The following SKOR2 variants were observed in gnomAD, a reference collection of about 807,000 sequenced individuals.
SKOR2 encodes LBX1 corepressor 1-like protein.
SKOR2 carries 47 observed loss-of-function variants against 69.1 expected under a neutral mutation model. The ratio of observed to expected loss-of-function variants is 0.68; its 90% confidence interval spans 0.54 to 0.87. The LOEUF (loss-of-function observed/expected upper bound fraction) is 0.87. SKOR2 is among the 40% of genes least tolerant of loss of function. The probability of loss-of-function intolerance (pLI) is 0.00; values close to 1 mark genes in which losing one functional copy is unlikely to be tolerated. For synonymous variants in SKOR2, 717 were observed against 672.6 expected (o/e 1.07, Z -1.02); for missense variants, 1,404 against 1,472.2 (o/e 0.95, Z 0.76).
chr18:47,233,966 C>A (rs1600037959), intron 4 of SKOR2, among the ~76,000 whole-genome samples: 1 of 152,260 alleles, frequency 6.6e-6, no homozygotes, highest in East Asian at 1.9e-4. Flanking sequence ...TAACAATTTG[C>A]ATTGGCATCT....
At position 47,245,077 on chromosome 18, in the gene SKOR2, CT is replaced by C. The variant is rs1206649107; in HGVS notation, c.2678-96del. 5 of 927,058 alleles carry C rather than the reference CT, an allele frequency of 5.4e-6. No individual in the cohort carries two copies. The East Asian group carries it at 8.0e-5, about 15-fold the overall frequency. 57.4% of individuals were successfully genotyped at this position (927,058 alleles called of 1,614,324 possible). ...TTTTTTTTTTGCAGGGAGGATGCTACTTATTATATCTAAGTTTGAGAGCTAT... is the reference window on the plus strand; with the variant it reads ...TTTTTTTTTTGCAGGGAGGATGCTACTATTATATCTAAGTTTGAGAGCTAT... On this transcript the variant is annotated intron_variant, in intron 3 of 8. Coordinates refer to ENST00000425639, the MANE Select transcript of SKOR2 (RefSeq NM_001278063.4).
chr18:47,250,777 C>G (rs1436458164), intron 1 of SKOR2, among the ~76,000 whole-genome samples: 3 of 152,154 alleles, frequency 2.0e-5, no homozygotes, highest in Non-Finnish European at 2.9e-5. Context: ...TTGGGTGGAT[C>G]AGAGACAATA....
intron 2 of SKOR2, among the ~76,000 whole-genome samples, chr18:47,246,109 C>T (rs1420662391): frequency 6.6e-6 from 1 of 152,172 alleles, no homozygotes; most frequent in Non-Finnish European, 1.5e-5. Context: ...CTGCATTTAA[C>T]TTTTGAAGCC....
At chr18:47,209,810 C>T (rs916374657) in intron 8 of SKOR2, among the ~76,000 whole-genome samples, 2 of 152,052 alleles carry the variant, frequency 1.3e-5, no homozygotes, top group African/African-American at 2.4e-5. Flanking sequence ...TAAATCAAAC[C>T]ACATTCTAAG....
Position 47,247,674 on chromosome 18 carries a change from C to T in SKOR2, c.1510G>A (p.Ala504Thr), listed in dbSNP as rs1413955405. The T allele has an allele frequency of 2.9e-5, 40 of 1,369,514 alleles. No homozygotes were observed. The highest frequency in any genetic ancestry group is 4.6e-5 in the African/African-American group (3 of 65,640). The allele number at this position is 1,369,514 out of a possible 1,614,324, so 84.8% of individuals were successfully genotyped here. The change falls in exon 2 of 9, where the codon GCC (alanine) becomes ACC (threonine). Residue 504 changes from alanine (A) to threonine (T), a missense_variant. Ala to Thr is a moderately conservative substitution (Grantham distance 58). Coordinates refer to ENST00000425639, the MANE Select transcript of SKOR2 (RefSeq NM_001278063.4). This position sits in a 1 kb window ranked among gnomAD's most constrained non-coding sequence, Gnocchi z 6.6. The stretch of plus-strand genomic sequence containing the variant: ...TCCAGGAAGGCCTGGCGCAGCAGGG[C>T]CGGGCTTTCGCCTAGCGCGCAGCCT... ...ALGCALGESP[A>T]LLRQAFLDLA...
At chr18:47,224,808 C>A (rs2064173201) in intron 6 of SKOR2, among the ~76,000 whole-genome samples, 1 of 151,898 alleles carries the variant, frequency 6.6e-6, no homozygotes, top group African/African-American at 2.4e-5. Context: ...TGTGTAGAGA[C>A]AGGGTCCCAG....
intron 6 of SKOR2, among the ~76,000 whole-genome samples, chr18:47,224,615 T>A (rs1366592153): frequency 9.2e-6 from 1 of 108,360 alleles, no homozygotes; most frequent in Non-Finnish European, 1.8e-5. Flanking sequence ...TAAAGAACCA[T>A]TGAACTTTTT....
In SKOR2 at chr18:47,226,522, C is replaced by G. The variant is rs11872506; in HGVS notation, c.2917+3937G>C. ...ACTCAATTCCAGCTTCTCCTTTTTC[C>G]TTAGTATATCCTCCCTACCTCTCTG... On this transcript the variant is annotated intron_variant, in intron 6 of 8. Transcript: ENST00000425639. Among the ~76,000 whole-genome samples the G allele has an allele frequency of 9.3e-3, 1,413 of 152,224 alleles. 15 individuals carry two copies. The highest frequency in any genetic ancestry group is 0.032 in the African/African-American group (1,340 of 41,544).
rs1054617147 is a variant in SKOR2 at position 47,248,361 on chromosome 18, C to T, written c.823G>A (p.Gly275Ser). Reference protein sequence around the residue: ...AAAAAVAGGGGLLGPHLLGAP... With the variant: ...AAAAAVAGGGSLLGPHLLGAP... ...CCCAGCAGGTGGGGGCCCAGCAGAC[C>T]CCCGCCTCCGGCCACCGCGGCCGCG... is the stretch of plus-strand genomic sequence containing the variant. The change falls in exon 2 of 9, where the codon GGT becomes AGT. Residue 275 changes from glycine (G) to serine (S), a missense_variant. Physicochemically the swap from Gly to Ser is moderately conservative, Grantham distance 56. This residue lies in a region of SKOR2 where 1,266 missense variants were observed against 1,309.9 expected (regional missense o/e 0.97). Coordinates refer to ENST00000425639, the MANE Select transcript of SKOR2 (RefSeq NM_001278063.4). The surrounding 1 kb of genome is among the most constrained non-coding windows in gnomAD (Gnocchi z 6.4). The T allele has an allele frequency of 4.7e-6, 6 of 1,279,840 alleles. No homozygotes were observed. Among genetic ancestry groups the T allele is most frequent in the Non-Finnish European group, 4.9e-6 (5 of 1,022,328 alleles). 79.3% of individuals were successfully genotyped at this position (1,279,840 alleles called of 1,614,324 possible).
At position 47,246,908 on chromosome 18, in the gene SKOR2, T is replaced by C; in HGVS notation, c.2276A>G (p.Glu759Gly). Residue 759 changes from glutamate to glycine, a missense_variant, in exon 2 of 9, where the codon GAA (glutamate) becomes GGA (glycine). By Grantham distance (98) the Glu-to-Gly change is moderately conservative. This residue lies in a region of SKOR2 where 1,266 missense variants were observed against 1,309.9 expected (regional missense o/e 0.97). Transcript: ENST00000425639. ...CTCGTCGTCGTCAGGGTCTCGACCTTCCTCCTCTTCCTCGCCCTCGGGGGG... is the reference window on the plus strand; with the variant it reads ...CTCGTCGTCGTCAGGGTCTCGACCTCCCTCCTCTTCCTCGCCCTCGGGGGG... ...HKPPEGEEEEEGRDPDDDEEE... is the reference protein window; with the variant it reads ...HKPPEGEEEEGGRDPDDDEEE... The C allele has an allele frequency of 6.7e-7, 1 of 1,490,156 alleles. No individual in the cohort carries two copies. Among genetic ancestry groups the C allele is most frequent in the Non-Finnish European group, 8.9e-7 (1 of 1,126,570 alleles). The allele number at this position is 1,490,156 out of a possible 1,614,324, so 92.3% of individuals were successfully genotyped here.
At position 47,223,675 on chromosome 18, in the gene SKOR2, A is replaced by G. The variant is rs1244714714; in HGVS notation, c.2918-3665T>C. Among the ~76,000 whole-genome samples the G allele has an allele frequency of 3.3e-5, 5 of 152,324 alleles. No homozygotes were observed. The East Asian group carries it at 9.6e-4, about 29-fold the overall frequency. On this transcript the variant is annotated intron_variant, in intron 6 of 8. Coordinates refer to ENST00000425639, the MANE Select transcript of SKOR2 (RefSeq NM_001278063.4). ...AAGGAAGTAAAAAATGTTGTGTATTACATTTCATTTTGTTTTATAAAAGCA... is the reference window on the plus strand; with the variant it reads ...AAGGAAGTAAAAAATGTTGTGTATTGCATTTCATTTTGTTTTATAAAAGCA...
At chr18:47,218,589 C>CAAAAAAAAAAAAAAAAAAAAAAAAAAAA in intron 7 of SKOR2, among the ~76,000 whole-genome samples, 1 of 88,258 alleles carries the variant, frequency 1.1e-5, no homozygotes, top group Non-Finnish European at 2.1e-5. Flanking sequence ...GACCCTGTCT[C>CAAAAAAAAAAAAAAAAAAAAAAAAAAAA]AAAAAAAAAA....
intron 6 of SKOR2, among the ~76,000 whole-genome samples, chr18:47,226,535 C>T (rs1301877427): frequency 6.6e-6 from 1 of 152,154 alleles, no homozygotes; most frequent in Non-Finnish European, 1.5e-5. Context: ...AGTATATCCT[C>T]CCTACCTCTC....
At chr18:47,235,476 C>T (rs1019178267) in intron 4 of SKOR2, among the ~76,000 whole-genome samples, 4 of 152,178 alleles carry the variant, frequency 2.6e-5, no homozygotes, top group African/African-American at 7.2e-5. Flanking sequence ...GAGAATCCTG[C>T]TCATCCAGGA....
intron 7 of SKOR2, among the ~76,000 whole-genome samples, chr18:47,216,804 GA>G (rs1045998425): frequency 2.7e-5 from 4 of 149,612 alleles, no homozygotes; most frequent in African/African-American, 4.9e-5. Context: ...GTCATCTCAA[GA>G]AAAAAAAAGC....
chr18:47,227,406 C>G (rs1191022803), intron 6 of SKOR2, among the ~76,000 whole-genome samples: 7 of 135,810 alleles, frequency 5.2e-5, no homozygotes, highest in Non-Finnish European at 3.0e-5. Flanking sequence ...GGCGTGATCT[C>G]GGCTCACTGC....
intron 4 of SKOR2, among the ~76,000 whole-genome samples, chr18:47,243,163 T>A (rs17785603): frequency 0.37 from 56,512 of 152,070 alleles, 11,133 homozygotes; most frequent in Middle Eastern, 0.47. Context: ...CTCTAAGTGC[T>A]CATTGGTCGT....
rs1029754140 is a variant in SKOR2, at chr18:47,251,354, G to A, written c.-48+20C>T. 2 of 152,264 alleles carry A rather than the reference G, an allele frequency of 1.3e-5. No individual in the cohort carries two copies. Among genetic ancestry groups the A allele is most frequent in the African/African-American group, 4.8e-5 (2 of 41,464 alleles). 9.4% of individuals were successfully genotyped at this position (152,264 alleles called of 1,614,324 possible). A position where few individuals can be genotyped will look rare whatever the true frequency, so the allele number is the denominator to read the frequency against. On this transcript the variant is annotated intron_variant, in intron 1 of 8. Coordinates refer to ENST00000425639, the MANE Select transcript of SKOR2 (RefSeq NM_001278063.4). ...CCAGCAAGCTGTGTGCCGGATTGGG[G>A]CGGCCGGTTCCGGCAATACCTGGTA...
chr18:47,209,451 CAG>C (rs902145600), intron 8 of SKOR2, among the ~76,000 whole-genome samples: 2 of 152,132 alleles, frequency 1.3e-5, no homozygotes, highest in African/African-American at 4.8e-5. Context: ...TGTTGAGAAT[CAG>C]AGACTGCCTC....
Sources: gnomAD v4.1 joint callset for allele counts (sites outside exome capture counted in the v4.1 genomes callset) on GRCh38, gnomAD v4.1.1 for gene constraint, gnomAD v4.1.1 regional missense constraint, Gnocchi (gnomAD v3.1) non-coding constraint, MANE v1.5 for transcripts, NCBI Gene and HGNC (gene_info 2026-07-23, HGNC 2026-07-21) for gene names.